Variants in RASGRP2 observed in about 807,000 individuals in gnomAD.
The protein encoded by RASGRP2 is RAS guanyl releasing protein 2.
RASGRP2 carries 44 observed loss-of-function variants against 71.0 expected under a neutral mutation model. That is an observed-to-expected ratio of 0.62 (90% confidence interval 0.49 to 0.80). The LOEUF is 0.80. RASGRP2 is among the 30% of genes least tolerant of loss of function. The pLI is 0.00. For synonymous variants in RASGRP2, 350 were observed against 330.7 expected (o/e 1.06, Z -0.63); for missense variants, 663 against 813.4 (o/e 0.82, Z 2.25).
rs1426073969 is a variant in RASGRP2, at chr11:64,735,377, C to G, written c.1297-150G>C. On this transcript the variant is annotated intron_variant, in intron 11 of 16. Transcript: ENST00000394432. The surrounding 1 kb of genome is among the most constrained non-coding windows in gnomAD (Gnocchi z 4.2). Reference sequence around the variant, plus strand: ...CCCCCGTTCCATACCTCCACCCCCACCCTACCCAGGGGCACTTCAGCCCCG... The same window carrying G: ...CCCCCGTTCCATACCTCCACCCCCAGCCTACCCAGGGGCACTTCAGCCCCG... 3 of 1,376,030 alleles carry G rather than the reference C, an allele frequency of 2.2e-6. No individual in the cohort carries two copies. Among genetic ancestry groups the G allele is most frequent in the Admixed American group, 1.7e-5 (1 of 58,848 alleles). 85.2% of individuals were successfully genotyped at this position (1,376,030 alleles called of 1,614,324 possible).
At chr11:64,740,914 T>A in intron 5 of RASGRP2, 34 bp downstream of exon 5, 1 of 1,612,110 alleles carries the variant, frequency 6.2e-7, no homozygotes, top group Non-Finnish European at 8.5e-7. Flanking sequence ...GGATACTGAG[T>A]GCCCCCCCAG....
At position 64,735,852 on chromosome 11, in the gene RASGRP2, G is replaced by A. The variant is rs1442142760; in HGVS notation, c.1173+51C>T. On this transcript the variant is annotated intron_variant, in intron 10 of 16. Coordinates refer to ENST00000394432, the MANE Select transcript of RASGRP2 (RefSeq NM_001098671.2). The surrounding 1 kb of genome is among the most constrained non-coding windows in gnomAD (Gnocchi z 4.2). ...AGAGCTCTTCCCATCCTCACATCCT[G>A]GGATTCTCAGGAGGGAAGGGCAGAG... 4 of 1,571,048 alleles carry A rather than the reference G, an allele frequency of 2.5e-6. No homozygotes were observed. Among genetic ancestry groups the A allele is most frequent in the East Asian group, 2.3e-5 (1 of 44,212 alleles).
rs1251173513 is a variant in RASGRP2 at position 64,739,399 on chromosome 11, G to C, written c.774C>G (p.Leu258=). 1 of 1,614,166 alleles carries C rather than the reference G, an allele frequency of 6.2e-7. No homozygotes were observed. Among genetic ancestry groups the C allele is most frequent in the Admixed American group, 1.7e-5 (1 of 60,022 alleles). ...GGLSHSSISR[L]KETHSHVSPE... Reference sequence around the variant, plus strand: ...GGCTAACGTGGCTGTGGGTCTCCTTGAGGCGGGAGATGGAGCTGTGGCTCA... The same window carrying C: ...GGCTAACGTGGCTGTGGGTCTCCTTCAGGCGGGAGATGGAGCTGTGGCTCA... Residue 258 remains leucine, a synonymous_variant, in exon 8 of 17, where the codon CTC becomes CTG. Coordinates refer to ENST00000394432, the MANE Select transcript of RASGRP2 (RefSeq NM_001098671.2). This position sits in a 1 kb window ranked among gnomAD's most constrained non-coding sequence, Gnocchi z 4.2.
In RASGRP2 at chr11:64,742,015, G is replaced by A; in HGVS notation, c.171C>T (p.Leu57=). The A allele has an allele frequency of 2.5e-6, 4 of 1,609,040 alleles. No homozygotes were observed. The highest frequency in any genetic ancestry group is 1.7e-6 in the Non-Finnish European group (2 of 1,177,640). The change falls in exon 3 of 17, where the codon CTC becomes CTT. Residue 57 remains leucine, a synonymous_variant. Coordinates refer to ENST00000394432, the MANE Select transcript of RASGRP2 (RefSeq NM_001098671.2). The surrounding 1 kb of genome is among the most constrained non-coding windows in gnomAD (Gnocchi z 4.7). ...GCAAGGCCGGCGAAGGATATATGTGGAGCAGCTTGGCCGCCAGCTGAGAGG... is the reference window on the plus strand; with the variant it reads ...GCAAGGCCGGCGAAGGATATATGTGAAGCAGCTTGGCCGCCAGCTGAGAGG... The part of the protein sequence containing the change: ...IPSSQLAAKL[L]HIYQQSRKDN...
rs1383294835 is a variant in RASGRP2, at chr11:64,743,774, T to C, written c.-72+229A>G. On this transcript the variant is annotated intron_variant, in intron 1 of 16. Coordinates refer to ENST00000394432, the MANE Select transcript of RASGRP2 (RefSeq NM_001098671.2). The surrounding 1 kb of genome is among the most constrained non-coding windows in gnomAD (Gnocchi z 4.9). The stretch of plus-strand genomic sequence containing the variant: ...GCGCCAAGGGTGGCCGGTGGGTGCA[T>C]GACACCATTAGCAACTCCGGTCACT... The C allele has an allele frequency of 3.6e-6, 1 of 276,916 alleles. No individual in the cohort carries two copies. The highest frequency in any genetic ancestry group is 7.1e-6 in the Non-Finnish European group (1 of 140,866). The allele number at this position is 276,916 out of a possible 1,614,324, so 17.2% of individuals were successfully genotyped here. A position where few individuals can be genotyped will look rare whatever the true frequency, so the allele number is the denominator to read the frequency against.
chr11:64,727,837 CT>C (rs1269161394), intron 15 of RASGRP2, among the ~76,000 whole-genome samples: 7 of 152,208 alleles, frequency 4.6e-5, no homozygotes, highest in African/African-American at 1.4e-4. Flanking sequence ...TTTTGAGGCT[CT>C]TTTTCTATGT....
chr11:64,735,724 G>A lies in RASGRP2; in HGVS notation c.1174-60C>T, dbSNP rs755677802. Reference sequence around the variant, plus strand: ...GGCAGGGGAAGCCCAGAGCCCCGGGGAACAGAGAGGGGAATCCCTGGGAGA... The same window carrying A: ...GGCAGGGGAAGCCCAGAGCCCCGGGAAACAGAGAGGGGAATCCCTGGGAGA... On this transcript the variant is annotated intron_variant, in intron 10 of 16. Coordinates refer to ENST00000394432, the MANE Select transcript of RASGRP2 (RefSeq NM_001098671.2). This position sits in a 1 kb window ranked among gnomAD's most constrained non-coding sequence, Gnocchi z 4.2. 5 of 1,566,506 alleles carry A rather than the reference G, an allele frequency of 3.2e-6. No individual in the cohort carries two copies. The highest frequency in any genetic ancestry group is 4.3e-6 in the Non-Finnish European group (5 of 1,155,364).
At chr11:64,740,501 TAC>T (rs1052096895) in intron 5 of RASGRP2, 3 of 625,288 alleles carry the variant, frequency 4.8e-6, no homozygotes, top group South Asian at 4.6e-5. Context: ...GTGACACATG[TAC>T]AGAGGTCTTT....
At chr11:64,730,735 G>A (rs975466527) in intron 12 of RASGRP2, among the ~76,000 whole-genome samples, 3 of 152,340 alleles carry the variant, frequency 2.0e-5, no homozygotes, top group Middle Eastern at 3.4e-3. Context: ...ACGTGTTCTA[G>A]ACACAGACCT....
intron 12 of RASGRP2, among the ~76,000 whole-genome samples, chr11:64,733,065 C>T (rs1719666168): frequency 6.6e-6 from 1 of 151,604 alleles, no homozygotes. Context: ...GCAGAGGTTG[C>T]AGTGAGCCAA....
In RASGRP2 at chr11:64,743,640, T is replaced by A. The variant is rs1413516150; in HGVS notation, c.-72+363A>T. 1 of 423,518 alleles carries A rather than the reference T, an allele frequency of 2.4e-6. No homozygotes were observed. The highest frequency in any genetic ancestry group is 2.7e-5 in the Admixed American group (1 of 36,806). The allele number at this position is 423,518 out of a possible 1,614,324, so 26.2% of individuals were successfully genotyped here. A position where few individuals can be genotyped will look rare whatever the true frequency, so the allele number is the denominator to read the frequency against. On this transcript the variant is annotated intron_variant, in intron 1 of 16. Coordinates refer to ENST00000394432, the MANE Select transcript of RASGRP2 (RefSeq NM_001098671.2). The surrounding 1 kb of genome is among the most constrained non-coding windows in gnomAD (Gnocchi z 4.9). ...AAGGTCCCAGGGGTCCCGGCTCAGC[T>A]TGTCCACAGGCCCTCTTCCTCCCTA...
Position 64,735,831 on chromosome 11 carries a change from C to A in RASGRP2, c.1173+72G>T. On this transcript the variant is annotated intron_variant, in intron 10 of 16. Transcript: ENST00000394432. This position sits in a 1 kb window ranked among gnomAD's most constrained non-coding sequence, Gnocchi z 4.2. ...GGATGGGTGAGGTGGCTGCTAAGAG[C>A]TCTTCCCATCCTCACATCCTGGGAT... 1 of 1,526,662 alleles carries A rather than the reference C, an allele frequency of 6.6e-7. No homozygotes were observed. Among genetic ancestry groups the A allele is most frequent in the Non-Finnish European group, 9.0e-7 (1 of 1,113,992 alleles). The allele number at this position is 1,526,662 out of a possible 1,614,324, so 94.6% of individuals were successfully genotyped here. A position where few individuals can be genotyped will look rare whatever the true frequency, so the allele number is the denominator to read the frequency against.
chr11:64,737,528 C>T (rs1592373816), intron 8 of RASGRP2, among the ~76,000 whole-genome samples: 1 of 151,648 alleles, frequency 6.6e-6, no homozygotes, highest in Non-Finnish European at 1.5e-5. Context: ...AAAAATTAGC[C>T]GGGTGTGGTG....
At chr11:64,737,303 G>A (rs910564155) in intron 8 of RASGRP2, 19 of 503,444 alleles carry the variant, frequency 3.8e-5, no homozygotes, top group Non-Finnish European at 6.5e-5. Flanking sequence ...GAGAAACAGA[G>A]GCTCAGGGAG....
rs1266682533 is a variant in RASGRP2, at chr11:64,742,942, C to G, written c.-71-5G>C. The G allele has an allele frequency of 1.3e-6, 2 of 1,531,412 alleles. No homozygotes were observed. The highest frequency in any genetic ancestry group is 1.2e-5 in the South Asian group (1 of 83,716). The allele number at this position is 1,531,412 out of a possible 1,614,324, so 94.9% of individuals were successfully genotyped here. The stretch of plus-strand genomic sequence containing the variant: ...CACCGGGCTCGGACCGAACCCCTGT[C>G]CCGGGAGAGGCAGAGCGGGAGTCTG... On this transcript the variant is annotated splice_polypyrimidine_tract_variant and splice_region_variant and intron_variant, in intron 1 of 16. Transcript: ENST00000394432. This position sits in a 1 kb window ranked among gnomAD's most constrained non-coding sequence, Gnocchi z 4.7.
intron 13 of RASGRP2, 47 bp downstream of exon 13, chr11:64,730,006 G>C (rs1373340697): frequency 1.3e-6 from 2 of 1,540,062 alleles, no homozygotes; most frequent in South Asian, 1.2e-5. Flanking sequence ...CGGGGCCGGG[G>C]CTGGAGGGGC....
upstream of RASGRP2, chr11:64,744,545 A>C (rs1490837030): frequency 6.5e-6 from 1 of 153,526 alleles, no homozygotes; most frequent in African/African-American, 2.4e-5. Context: ...AGCTGGGTGC[A>C]CCGTGGAGGT....
In RASGRP2 at chr11:64,730,110, G is replaced by A; in HGVS notation, c.1497C>T (p.His499=). The change falls in exon 13 of 17, where the codon CAC becomes CAT. Residue 499 remains histidine (H), a synonymous_variant. Transcript: ENST00000394432. The part of the protein sequence containing the change: ...SVLGGRMGFV[H]NFQESNSLRP... ...GCAAGGAGTTGCTCTCCTGGAAGTT[G>A]TGTACGAAGCCCATGCGCCCCCCCA... 2 of 1,551,072 alleles carry A rather than the reference G, an allele frequency of 1.3e-6. No individual in the cohort carries two copies. Among genetic ancestry groups the A allele is most frequent in the Non-Finnish European group, 1.7e-6 (2 of 1,147,102 alleles).
intron 12 of RASGRP2, among the ~76,000 whole-genome samples, chr11:64,730,996 G>A (rs2057747516): frequency 6.6e-6 from 1 of 152,198 alleles, no homozygotes; most frequent in African/African-American, 2.4e-5. Flanking sequence ...TGCTTATGAG[G>A]GGGCTCATAA....
Sources: gnomAD v4.1 joint callset for allele counts (sites outside exome capture counted in the v4.1 genomes callset) on GRCh38, gnomAD v4.1.1 for gene constraint, Gnocchi (gnomAD v3.1) non-coding constraint, MANE v1.5 for transcripts, NCBI Gene and HGNC (gene_info 2026-07-23, HGNC 2026-07-21) for gene names.